UBE2E2: variants seen among roughly 807,000 people sequenced by gnomAD.
UBE2E2 encodes ubiquitin-conjugating enzyme E2 E2.
A neutral mutation model predicts 24.7 loss-of-function variants in UBE2E2; 6 were observed. The ratio of observed to expected loss-of-function variants is 0.24; its 90% CI spans 0.13 to 0.48. The LOEUF (loss-of-function observed/expected upper bound fraction) is 0.48, where lower values mean the gene tolerates loss of function less well. Ranked by LOEUF, UBE2E2 falls within the 20% of genes least tolerant of loss-of-function variation. UBE2E2 has a pLI of 0.99. For synonymous variants in UBE2E2, 104 were observed against 83.6 expected (o/e 1.24, Z -1.33); for missense variants, 169 against 245.0 (o/e 0.69, Z 2.07).
chr3:23,372,242 G>T (rs962445173), intron 3 of UBE2E2, among the ~76,000 whole-genome samples: 7 of 152,052 alleles, frequency 4.6e-5, no homozygotes, highest in Non-Finnish European at 8.8e-5. Flanking sequence ...ACTCCTAATG[G>T]GTACTTCAGA....
chr3:23,556,924 A>T (rs1695803453), intron 5 of UBE2E2, among the ~76,000 whole-genome samples: 1 of 152,190 alleles, frequency 6.6e-6, no homozygotes, highest in African/African-American at 2.4e-5. Flanking sequence ...TAACATTGTC[A>T]GTAGGTTCTT....
At chr3:23,230,792 GAA>G (rs750142399) in intron 3 of UBE2E2, among the ~76,000 whole-genome samples, 13 of 68,592 alleles carry the variant, frequency 1.9e-4, no homozygotes, top group African/African-American at 2.5e-4. Flanking sequence ...TTCTCAAAAA[GAA>G]AAAAAAAAAA....
chr3:23,310,354 A>G (rs894921666), intron 3 of UBE2E2, among the ~76,000 whole-genome samples: 1 of 147,212 alleles, frequency 6.8e-6, no homozygotes, highest in Admixed American at 6.7e-5. Flanking sequence ...TGAGTTGGAT[A>G]TCTTACTGTC....
At chr3:23,452,276 C>G (rs751638244) in intron 3 of UBE2E2, among the ~76,000 whole-genome samples, 2 of 152,098 alleles carry the variant, frequency 1.3e-5, no homozygotes, top group Admixed American at 6.5e-5. Context: ...TACTTGTCAG[C>G]AAGAGACACA....
chr3:23,343,025 A>C (rs990693990), intron 3 of UBE2E2, among the ~76,000 whole-genome samples: 1 of 152,160 alleles, frequency 6.6e-6, no homozygotes, highest in Admixed American at 6.5e-5. Flanking sequence ...GTGGTCTGAC[A>C]TGAAAAACTC....
chr3:23,221,182 G>A (rs1283063426), intron 3 of UBE2E2, among the ~76,000 whole-genome samples: 3 of 152,208 alleles, frequency 2.0e-5, no homozygotes, highest in Admixed American at 2.0e-4. Flanking sequence ...AAAGGAGGAA[G>A]TAAACCAAAA....
chr3:23,313,882 G>A (rs530216136), intron 3 of UBE2E2, among the ~76,000 whole-genome samples: 1 of 152,028 alleles, frequency 6.6e-6, no homozygotes, highest in South Asian at 2.1e-4. Flanking sequence ...TTCTCTGGTG[G>A]TATGTTTTAA....
At chr3:23,488,618 G>T (rs1030571321) in intron 3 of UBE2E2, among the ~76,000 whole-genome samples, 8 of 152,176 alleles carry the variant, frequency 5.3e-5, no homozygotes. Context: ...ATTTCACCGT[G>T]TATGAGTGGT....
At chr3:23,214,260 GT>G (rs556526139) in intron 2 of UBE2E2, among the ~76,000 whole-genome samples, 125 of 151,846 alleles carry the variant, frequency 8.2e-4, no homozygotes, top group Non-Finnish European at 1.3e-3. Context: ...TGATTTATCA[GT>G]TTTTTTTCCC....
At chr3:23,271,261 G>A in intron 3 of UBE2E2, 1 of 333,282 alleles carries the variant, frequency 3.0e-6, no homozygotes, top group East Asian at 7.8e-5. Flanking sequence ...TGTGTCTAGA[G>A]TTTGTTCCTT....
chr3:23,321,481 C>A (rs1694735312), intron 3 of UBE2E2, among the ~76,000 whole-genome samples: 1 of 151,790 alleles, frequency 6.6e-6, no homozygotes, highest in South Asian at 2.1e-4. Flanking sequence ...TACAGGTCTT[C>A]TGTAGCATGG....
At chr3:23,566,165 A>G (rs1293138143) in intron 5 of UBE2E2, among the ~76,000 whole-genome samples, 1 of 152,212 alleles carries the variant, frequency 6.6e-6, no homozygotes, top group East Asian at 1.9e-4. Context: ...CTGAAACAGT[A>G]AGAACTAAGG....
At chr3:23,544,488 A>G (rs564266467) in intron 5 of UBE2E2, among the ~76,000 whole-genome samples, 3 of 152,260 alleles carry the variant, frequency 2.0e-5, no homozygotes, top group East Asian at 1.9e-4. Context: ...TGCAAATTCA[A>G]GCTACAATGA....
At chr3:23,588,426 C>CT (rs112332300) in intron 5 of UBE2E2, among the ~76,000 whole-genome samples, 41,892 of 123,670 alleles carry the variant, frequency 0.34, 6,673 homozygotes, top group East Asian at 0.51. Context: ...TTTTTTTTGT[C>CT]TTTTTTTTTA....
At chr3:23,375,007 TTATGTTATTCTATAGTAATAAATGGC>T (rs1313440387) in intron 3 of UBE2E2, among the ~76,000 whole-genome samples, 1 of 152,074 alleles carries the variant, frequency 6.6e-6, no homozygotes, top group African/African-American at 2.4e-5. Flanking sequence ...AAGTGGAGAG[TTATGTTATTCTATAGTAATAAATGGC>T]AGAAATGAAA....
chr3:23,280,541 A>G lies in UBE2E2; in HGVS notation c.227+63229A>G, dbSNP rs1698470866. ...TTCCCATCCGTGGCTGGCAGTTGAC[A>G]GTGTTGAGGTTGTCCTTTACTTGGG... On this transcript the variant is annotated intron_variant, in intron 3 of 5. Coordinates refer to ENST00000396703, the MANE Select transcript of UBE2E2 (RefSeq NM_152653.4). The surrounding 1 kb of genome is among the most constrained non-coding windows in gnomAD (Gnocchi z 4.3). 6.6e-6 allele frequency among the ~76,000 whole-genome samples: 1 copy of G among 152,136 alleles called. No individual in the cohort carries two copies. The highest frequency in any genetic ancestry group is 6.5e-5 in the Admixed American group (1 of 15,278).
intron 3 of UBE2E2, among the ~76,000 whole-genome samples, chr3:23,420,143 T>C (rs1346132114): frequency 6.6e-6 from 1 of 152,236 alleles, no homozygotes; most frequent in African/African-American, 2.4e-5. Context: ...ACCTGAATTA[T>C]TATTGTTTCA....
At chr3:23,582,917 ACT>A (rs532593602) in intron 5 of UBE2E2, among the ~76,000 whole-genome samples, 151 of 134,348 alleles carry the variant, frequency 1.1e-3, no homozygotes, top group African/African-American at 4.5e-3. Context: ...TGCTGTGCAG[ACT>A]CTCTTTCATT....
At chr3:23,350,132 G>C (rs1419640379) in intron 3 of UBE2E2, among the ~76,000 whole-genome samples, 1 of 152,208 alleles carries the variant, frequency 6.6e-6, no homozygotes, top group Non-Finnish European at 1.5e-5. Context: ...ACAGGGTCTG[G>C]AGTGGACCTC....
Sources: allele counts gnomAD v4.1 joint callset (sites outside exome capture counted in the v4.1 genomes callset), GRCh38; gene constraint gnomAD v4.1.1; non-coding constraint Gnocchi (gnomAD v3.1); transcripts MANE v1.5; gene names NCBI Gene and HGNC (gene_info 2026-07-23, HGNC 2026-07-21).